The following SPATA6 variants were observed in gnomAD, a reference collection of about 807,000 sequenced individuals.
SPATA6 encodes the protein spermatogenesis-associated protein 6.
SPATA6 carries 56 observed loss-of-function variants against 65.3 expected under a neutral mutation model. That is an observed-to-expected ratio of 0.86 (90% CI 0.69 to 1.07). The LOEUF is 1.07. Ranked by LOEUF, SPATA6 falls within the 50% of genes least tolerant of loss-of-function variation. SPATA6 has a pLI of 0.00. For synonymous variants in SPATA6, 199 were observed against 213.2 expected (o/e 0.93, Z 0.58); for missense variants, 590 against 594.8 (o/e 0.99, Z 0.08).
At chr1:48,303,815 T>C (rs956043734) in intron 12 of SPATA6, among the ~76,000 whole-genome samples, 4 of 152,200 alleles carry the variant, frequency 2.6e-5, no homozygotes, top group African/African-American at 9.6e-5. Flanking sequence ...CAATTTGTTA[T>C]ATGCTTTTGG....
At chr1:48,349,724 C>T (rs540502854) in intron 11 of SPATA6, among the ~76,000 whole-genome samples, 2 of 151,968 alleles carry the variant, frequency 1.3e-5, no homozygotes, top group East Asian at 3.9e-4. Flanking sequence ...TAAAATCATA[C>T]ATGTAGCTTT....
chr1:48,391,430 G>T (rs1650059539), intron 8 of SPATA6, among the ~76,000 whole-genome samples: 1 of 151,952 alleles, frequency 6.6e-6, no homozygotes, highest in Admixed American at 6.6e-5. Flanking sequence ...ATAATTTCTG[G>T]AAATAGTATG....
At chr1:48,445,528 C>CCA (rs1655947353) in intron 3 of SPATA6, among the ~76,000 whole-genome samples, 3 of 151,794 alleles carry the variant, frequency 2.0e-5, no homozygotes, top group Admixed American at 2.0e-4. Flanking sequence ...GGCGTGGTGG[C>CCA]AGGCGCCTGT....
At chr1:48,426,635 G>GA (rs570123294) in intron 3 of SPATA6, among the ~76,000 whole-genome samples, 35 of 148,730 alleles carry the variant, frequency 2.4e-4, no homozygotes, top group Non-Finnish European at 4.3e-4. Flanking sequence ...TAAGAGATAA[G>GA]AAAAAAAAAA....
chr1:48,312,882 G>C (rs1157338824), intron 11 of SPATA6, among the ~76,000 whole-genome samples: 1 of 152,184 alleles, frequency 6.6e-6, no homozygotes, highest in Non-Finnish European at 1.5e-5. Context: ...ACCACGGCAA[G>C]AGACAAACGT....
downstream of SPATA6, among the ~76,000 whole-genome samples, chr1:48,294,960 A>G (rs1644791367): frequency 6.6e-6 from 1 of 152,132 alleles, no homozygotes; most frequent in Non-Finnish European, 1.5e-5. Context: ...TTTTCATACC[A>G]TGGAAGTTAC....
the SPATA6 span, among the ~76,000 whole-genome samples, chr1:48,282,918 G>C: frequency 6.6e-6 from 1 of 152,000 alleles, no homozygotes; most frequent in African/African-American, 2.4e-5. Context: ...CAATAGCAAA[G>C]ACTTTGAACC....
intron 3 of SPATA6, among the ~76,000 whole-genome samples, chr1:48,428,363 A>G (rs1654037220): frequency 6.6e-6 from 1 of 152,206 alleles, no homozygotes; most frequent in Non-Finnish European, 1.5e-5. Flanking sequence ...CTGAGGCAGG[A>G]GAATCGCTGA....
At chr1:48,344,592 T>G (rs776445722) in intron 11 of SPATA6, among the ~76,000 whole-genome samples, 6 of 152,072 alleles carry the variant, frequency 3.9e-5, no homozygotes, top group Non-Finnish European at 8.8e-5. Context: ...GCAAGCTGGA[T>G]AAAGAACCAA....
At chr1:48,445,467 T>A (rs1457660756) in intron 3 of SPATA6, among the ~76,000 whole-genome samples, 1 of 152,036 alleles carries the variant, frequency 6.6e-6, no homozygotes, top group African/African-American at 2.4e-5. Flanking sequence ...GAGACCATCC[T>A]GGCTAACATG....
intron 9 of SPATA6, among the ~76,000 whole-genome samples, chr1:48,364,443 A>C (rs901082799): frequency 2.6e-5 from 4 of 152,146 alleles, no homozygotes; most frequent in South Asian, 2.1e-4. Flanking sequence ...TCCTATTTCT[A>C]CACATCCTCT....
intron 8 of SPATA6, among the ~76,000 whole-genome samples, chr1:48,386,394 C>T (rs925974520): frequency 1.3e-5 from 2 of 152,178 alleles, no homozygotes; most frequent in African/African-American, 4.8e-5. Flanking sequence ...AAAATAAGAA[C>T]CAGAGACAAT....
chr1:48,467,166 T>C (rs1250911216), intron 1 of SPATA6, among the ~76,000 whole-genome samples: 3 of 152,168 alleles, frequency 2.0e-5, no homozygotes, highest in Non-Finnish European at 4.4e-5. Context: ...GCAATATATT[T>C]TCTCTCATGT....
At chr1:48,346,925 A>G (rs980760966) in intron 11 of SPATA6, among the ~76,000 whole-genome samples, 7 of 152,140 alleles carry the variant, frequency 4.6e-5, no homozygotes, top group African/African-American at 1.7e-4. Flanking sequence ...TGCTATTCCT[A>G]TTAAACTACT....
intron 9 of SPATA6, among the ~76,000 whole-genome samples, chr1:48,371,746 C>A (rs1647308313): frequency 6.6e-6 from 1 of 152,108 alleles, no homozygotes. Context: ...ACACACGAGA[C>A]TGGGAAGAAA....
At chr1:48,264,231 A>G in the SPATA6 span, among the ~76,000 whole-genome samples, 1 of 152,192 alleles carries the variant, frequency 6.6e-6, no homozygotes, top group Non-Finnish European at 1.5e-5. Flanking sequence ...TGAGTACCCA[A>G]ATATTTTTGG....
chr1:48,368,801 C>T (rs948656987), intron 9 of SPATA6, among the ~76,000 whole-genome samples: 7 of 152,206 alleles, frequency 4.6e-5, no homozygotes, highest in African/African-American at 1.7e-4. Context: ...AACTCGTCAA[C>T]ATCATTCTCC....
At chr1:48,290,811 T>C (rs1406820862), downstream of SPATA6, among the ~76,000 whole-genome samples, 1 of 152,112 alleles carries the variant, frequency 6.6e-6, no homozygotes, top group Non-Finnish European at 1.5e-5. Context: ...CCTAAATATA[T>C]ATGCACACAA....
intron 11 of SPATA6, among the ~76,000 whole-genome samples, chr1:48,314,527 G>T: frequency 6.6e-6 from 1 of 152,172 alleles, no homozygotes; most frequent in Admixed American, 6.5e-5. Flanking sequence ...GAATCTCTGG[G>T]ACACATTTAA....
Sources: allele counts gnomAD v4.1 joint callset (sites outside exome capture counted in the v4.1 genomes callset), GRCh38; gene constraint gnomAD v4.1.1; transcripts MANE v1.5; gene names NCBI Gene and HGNC (gene_info 2026-07-23, HGNC 2026-07-21).